GAS2: variants seen among roughly 807,000 people sequenced by gnomAD.
GAS2 encodes the protein growth arrest-specific protein 2.
In GAS2, 20 loss-of-function variants were observed where a neutral mutation model predicts 37.5. The ratio of observed to expected loss-of-function variants is 0.53; its 90% CI spans 0.37 to 0.77. The LOEUF (loss-of-function observed/expected upper bound fraction) is 0.77, where lower values mean the gene tolerates loss of function less well. GAS2 is among the 30% of genes least tolerant of loss of function. GAS2 has a pLI of 0.00. For synonymous variants in GAS2, 144 were observed against 132.2 expected (o/e 1.09, Z -0.61); for missense variants, 336 against 373.4 (o/e 0.90, Z 0.82).
At chr11:22,650,885 G>A (rs1848767010) in intron 1 of GAS2, among the ~76,000 whole-genome samples, 1 of 151,032 alleles carries the variant, frequency 6.6e-6, no homozygotes, top group East Asian at 1.9e-4. Flanking sequence ...TTGCCAGTCT[G>A]TGTCTTTTAA....
At chr11:22,740,034 G>A (rs1852987688) in intron 5 of GAS2, among the ~76,000 whole-genome samples, 1 of 151,992 alleles carries the variant, frequency 6.6e-6, no homozygotes, top group African/African-American at 2.4e-5. Context: ...TTTAATTATA[G>A]CCAAGTCATC....
At chr11:22,684,355 G>A (rs117051950) in intron 2 of GAS2, among the ~76,000 whole-genome samples, 42 of 152,298 alleles carry the variant, frequency 2.8e-4, no homozygotes, top group African/African-American at 9.1e-4. Context: ...AGCATGGTAT[G>A]TATTGGAGAG....
chr11:22,812,380 C>A lies in GAS2; in HGVS notation c.*364C>A. The A allele has an allele frequency of 6.2e-6, 1 of 162,584 alleles. No individual in the cohort carries two copies. The highest frequency in any genetic ancestry group is 1.3e-5 in the Non-Finnish European group (1 of 76,464). The allele number at this position is 162,584 out of a possible 1,614,324, so 10.1% of individuals were successfully genotyped here. The stretch of plus-strand genomic sequence containing the variant: ...CAACAGAAAGTGCCTGCTTTACACT[C>A]ATGAGTAAAAGCACTCCAGACATTT... On this transcript the variant is annotated 3_prime_UTR_variant, in exon 8 of 8. Transcript: ENST00000454584.
chr11:22,809,873 CAAAGTAGTTACAAGCT>C (rs1329839953), intron 7 of GAS2, among the ~76,000 whole-genome samples: 1 of 152,082 alleles, frequency 6.6e-6, no homozygotes, highest in Non-Finnish European at 1.5e-5. Flanking sequence ...CCAGGAAAGG[CAAAGTAGTTACAAGCT>C]AAATCCTCTT....
intron 2 of GAS2, among the ~76,000 whole-genome samples, chr11:22,679,617 C>G (rs1849583390): frequency 6.6e-6 from 1 of 152,040 alleles, no homozygotes; most frequent in African/African-American, 2.4e-5. Flanking sequence ...TAAGCGTTCT[C>G]AAATTGTCTA....
chr11:22,657,284 A>G (rs886198268), intron 1 of GAS2, among the ~76,000 whole-genome samples: 2 of 152,180 alleles, frequency 1.3e-5, no homozygotes, highest in African/African-American at 2.4e-5. Context: ...GGGACAGGGT[A>G]ACAGCAAGCT....
chr11:22,802,508 TC>T (rs1054274188), intron 7 of GAS2, among the ~76,000 whole-genome samples: 6 of 151,712 alleles, frequency 4.0e-5, no homozygotes, highest in African/African-American at 1.2e-4. Context: ...GTCTTTTTTT[TC>T]CCCCTTCAGA....
chr11:22,649,576 T>G (rs972793731), intron 1 of GAS2, among the ~76,000 whole-genome samples: 3 of 152,210 alleles, frequency 2.0e-5, no homozygotes, highest in African/African-American at 7.2e-5. Flanking sequence ...AAGCTATTGA[T>G]TATTGCCACA....
At chr11:22,754,693 T>C (rs1339751168) in intron 6 of GAS2, among the ~76,000 whole-genome samples, 2 of 152,136 alleles carry the variant, frequency 1.3e-5, no homozygotes, top group African/African-American at 4.8e-5. Context: ...GTTGTTTAAT[T>C]CCTTTACATT....
intron 1 of GAS2, among the ~76,000 whole-genome samples, chr11:22,671,401 CTTTG>C (rs1849195104): frequency 6.6e-6 from 1 of 152,010 alleles, no homozygotes; most frequent in African/African-American, 2.4e-5. Context: ...AAGTGATTGG[CTTTG>C]TTTAATAGTT....
At chr11:22,759,538 A>G (rs1256986687) in intron 7 of GAS2, among the ~76,000 whole-genome samples, 1 of 152,208 alleles carries the variant, frequency 6.6e-6, no homozygotes, top group Non-Finnish European at 1.5e-5. Flanking sequence ...GTACTTTCCA[A>G]AGAGCAACAT....
At chr11:22,733,946 G>T (rs1481732951) in intron 4 of GAS2, among the ~76,000 whole-genome samples, 1 of 151,676 alleles carries the variant, frequency 6.6e-6, no homozygotes. Context: ...ATGTTACAAT[G>T]ATCAAGTGGG....
chr11:22,771,089 C>T (rs912870651), intron 7 of GAS2, among the ~76,000 whole-genome samples: 1 of 145,416 alleles, frequency 6.9e-6, no homozygotes, highest in Non-Finnish European at 1.5e-5. Flanking sequence ...TAATATTTTA[C>T]TTTTTTTTTT....
At chr11:22,746,428 C>T (rs936533776) in intron 5 of GAS2, among the ~76,000 whole-genome samples, 4 of 152,070 alleles carry the variant, frequency 2.6e-5, no homozygotes, top group Admixed American at 1.3e-4. Context: ...ATAGCAGCAC[C>T]GTTCACAATA....
intron 3 of GAS2, among the ~76,000 whole-genome samples, chr11:22,723,145 C>G (rs1852026619): frequency 6.6e-6 from 1 of 151,882 alleles, no homozygotes; most frequent in Non-Finnish European, 1.5e-5. Flanking sequence ...ATTTCCCAGT[C>G]TTCAGCTGGC....
chr11:22,756,149 T>C (rs1437825700), intron 7 of GAS2, among the ~76,000 whole-genome samples, 196 bp downstream of exon 7: 2 of 152,116 alleles, frequency 1.3e-5, no homozygotes, highest in Non-Finnish European at 2.9e-5. Context: ...TTTGTACATA[T>C]ACCAAAACGC....
chr11:22,710,837 T>C (rs956334811), intron 3 of GAS2, among the ~76,000 whole-genome samples: 1 of 152,222 alleles, frequency 6.6e-6, no homozygotes, highest in Non-Finnish European at 1.5e-5. Flanking sequence ...TGCAGAAGTA[T>C]CATTAATTTT....
In GAS2 at chr11:22,781,112, C is replaced by T. The variant is rs917996607; in HGVS notation, c.723+25159C>T. Among the ~76,000 whole-genome samples, 4 of 152,124 alleles carry T rather than the reference C, an allele frequency of 2.6e-5. No individual in the cohort carries two copies. In the South Asian group the frequency reaches 8.3e-4, roughly 32 times the overall value. ...TAGAGGCAGACAATTTGCTTAATTA[C>T]TGCAGCAAAACCGGAAGTTGCAGAG... On this transcript the variant is annotated intron_variant, in intron 7 of 7. Coordinates refer to ENST00000454584, the MANE Select transcript of GAS2 (RefSeq NM_001143830.3).
Position 22,675,002 on chromosome 11 carries a change from A to G in GAS2, c.133A>G (p.Thr45Ala). Residue 45 changes from threonine to alanine, a missense_variant, in exon 2 of 8, where the codon ACC becomes GCC. Physicochemically the swap from Thr to Ala is moderately conservative, Grantham distance 58 (BLOSUM62 0). Coordinates refer to ENST00000454584, the MANE Select transcript of GAS2 (RefSeq NM_001143830.3). ...GAAAGAAGATCTGGCCTTGTGGTTAACCAATCTATTAGGTAAGGTTATAAG... is the reference window on the plus strand; with the variant it reads ...GAAAGAAGATCTGGCCTTGTGGTTAGCCAATCTATTAGGTAAGGTTATAAG... ...PMKEDLALWL[T>A]NLLGKEITAE... 3 of 1,613,604 alleles carry G rather than the reference A, an allele frequency of 1.9e-6. 1 individual carries two copies. In the South Asian group the frequency reaches 3.3e-5, roughly 18 times the overall value.
Sources: gnomAD v4.1 joint callset for allele counts (sites outside exome capture counted in the v4.1 genomes callset) on GRCh38, gnomAD v4.1.1 for gene constraint, MANE v1.5 for transcripts, NCBI Gene and HGNC (gene_info 2026-07-23, HGNC 2026-07-21) for gene names.